The following CSF2RA variants were observed in gnomAD, a reference collection of about 807,000 sequenced individuals.
CSF2RA encodes granulocyte-macrophage colony-stimulating factor receptor subunit alpha.
In CSF2RA, 42 loss-of-function variants were observed where a neutral mutation model predicts 51.6. The observed-to-expected ratio is 0.81, with a 90% CI of 0.64 to 1.05. The LOEUF is 1.05. CSF2RA is among the 50% of genes least tolerant of loss of function. The pLI, the probability that CSF2RA is intolerant of heterozygous loss-of-function variation, is 0.00. For missense variants in CSF2RA, 530 were observed against 501.1 expected, an observed-to-expected ratio of 1.06 and a Z score of -0.55; for synonymous variants, 222 against 193.0, an observed-to-expected ratio of 1.15 and a Z score of -1.24.
intron 3 of CSF2RA, among the ~76,000 whole-genome samples, chrX:1,283,222 GCC>G (rs2090257402): frequency 8.1e-6 from 1 of 123,850 alleles, no homozygotes; most frequent in Non-Finnish European, 1.6e-5. Flanking sequence ...TCTTCCTCCT[GCC>G]CTCCCTCTTT....
chrX:1,303,938 A>T lies in CSF2RA; in HGVS notation c.962A>T (p.Asn321Ile). The T allele has an allele frequency of 6.2e-7, 1 of 1,613,344 alleles. No homozygotes were observed. The highest frequency in any genetic ancestry group is 1.1e-5 in the South Asian group (1 of 91,028). The change falls in exon 11 of 13, where the codon AAC becomes ATC. Residue 321 changes from asparagine to isoleucine, a missense_variant. Transcript: ENST00000381529. ...GTCTCTCCAGGTTCTGACGACGGGA[A>T]CCTCGGCTCTGTGTACATTTATGTG... ...EAIEFGSDDG[N>I]LGSVYIYVLL...
intron 2 of CSF2RA, among the ~76,000 whole-genome samples, chrX:1,279,303 T>C (rs1490443210): frequency 7.9e-5 from 12 of 152,086 alleles, no homozygotes; most frequent in Admixed American, 7.2e-4. Flanking sequence ...TGAGCCGAGA[T>C]GGCACCACTG....
chrX:1,279,636 G>A (rs1201780519), intron 2 of CSF2RA, among the ~76,000 whole-genome samples: 4 of 151,936 alleles, frequency 2.6e-5, no homozygotes, highest in African/African-American at 4.8e-5. Flanking sequence ...TGGGGGAAGC[G>A]GCCACATCCC....
chrX:1,283,062 G>A (rs1448834953), intron 3 of CSF2RA, among the ~76,000 whole-genome samples: 1 of 152,068 alleles, frequency 6.6e-6, no homozygotes, highest in Non-Finnish European at 1.5e-5. Flanking sequence ...GGGCCAGGAT[G>A]AGGACCCATG....
chrX:1,300,014 G>A (rs1353465887), intron 9 of CSF2RA, among the ~76,000 whole-genome samples: 4 of 150,870 alleles, frequency 2.7e-5, no homozygotes, highest in African/African-American at 4.9e-5. Flanking sequence ...TGAGGAGATC[G>A]AGACCATCCT....
chrX:1,314,564 T>C (rs756093444), downstream of CSF2RA, among the ~76,000 whole-genome samples: 3,905 of 7,958 alleles, frequency 0.49, 927 homozygotes, highest in Middle Eastern at 0.67. Context: ...ACCTGCCCAA[T>C]CCCACTGCAC....
intron 12 of CSF2RA, chrX:1,305,820 C>G: frequency 6.5e-7 from 1 of 1,538,768 alleles, no homozygotes; most frequent in Non-Finnish European, 8.8e-7. Context: ...GTGGCTCATG[C>G]CTGTCATCCC....
At chrX:1,280,667 T>TTCCTCCTCC (rs1202323924) in intron 2 of CSF2RA, among the ~76,000 whole-genome samples, 1 of 138,880 alleles carries the variant, frequency 7.2e-6, no homozygotes, top group Admixed American at 7.3e-5. Flanking sequence ...CTTCCTCCTC[T>TTCCTCCTCC]TCCTCCTCCT....
intron 4 of CSF2RA, among the ~76,000 whole-genome samples, chrX:1,286,455 G>T (rs1219600870): frequency 1.6e-5 from 2 of 128,354 alleles, no homozygotes; most frequent in African/African-American, 5.6e-5. Flanking sequence ...TGTAATCCCA[G>T]CTACTCGGGA....
At chrX:1,297,795 G>C (rs1380932900) in intron 9 of CSF2RA, among the ~76,000 whole-genome samples, 1 of 122,460 alleles carries the variant, frequency 8.2e-6, no homozygotes, top group African/African-American at 3.1e-5. Flanking sequence ...GAACCCTACA[G>C]TCCCCTACCC....
At chrX:1,301,968 G>T (rs1393194796) in intron 10 of CSF2RA, among the ~76,000 whole-genome samples, 1 of 142,948 alleles carries the variant, frequency 7.0e-6, no homozygotes, top group African/African-American at 2.6e-5. Context: ...CCAGGCTGGA[G>T]TGCAGTGGTG....
chrX:1,300,835 A>G (rs2092317993), intron 10 of CSF2RA, among the ~76,000 whole-genome samples: 1 of 151,988 alleles, frequency 6.6e-6, no homozygotes, highest in Admixed American at 6.6e-5. Flanking sequence ...ATGTTTTTTC[A>G]GGACGGATGA....
In CSF2RA at chrX:1,281,108, T is replaced by TGCTCC. The variant is rs1415788656; in HGVS notation, c.-26-1570_-26-1569insGCTCC. Among the ~76,000 whole-genome samples the TGCTCC allele has an allele frequency of 8.9e-3, 669 of 75,552 alleles. 94 individuals are homozygous for TGCTCC. The highest frequency in any genetic ancestry group is 0.04 in the African/African-American group (618 of 15,346). The allele number at this position is 75,552 out of a possible 152,430, so 49.6% of individuals were successfully genotyped here. ...TCTCCTCCTGCTCCCCTTCTCCTCC[T>TGCTCC]CCTTCTCCTCCTCCTCCTCCTCCTG... On this transcript the variant is annotated intron_variant, in intron 2 of 12. Transcript: ENST00000381529.
intron 4 of CSF2RA, among the ~76,000 whole-genome samples, chrX:1,286,133 G>T (rs185914855): frequency 1.3e-5 from 2 of 151,468 alleles, no homozygotes; most frequent in Admixed American, 6.6e-5. Flanking sequence ...TTAGCCGGGC[G>T]TGCTGGTGCA....
At chrX:1,313,193 G>C (rs750341964), downstream of CSF2RA, among the ~76,000 whole-genome samples, 210 of 152,256 alleles carry the variant, frequency 1.4e-3, 3 homozygotes, top group East Asian at 8.9e-3. Context: ...CCAGGCCAAG[G>C]CAGGTGGATC....
chrX:1,280,435 C>T lies in CSF2RA; in HGVS notation c.-26-2243C>T, dbSNP rs779922817. On this transcript the variant is annotated intron_variant, in intron 2 of 12. Coordinates refer to ENST00000381529, the MANE Select transcript of CSF2RA (RefSeq NM_172245.4). ...GCAGTGAGCCAAGATTGCACCACTG[C>T]ACTCCAGCCTGGGTGACAAGAGTGA... Among the ~76,000 whole-genome samples the T allele has an allele frequency of 6.8e-5, 10 of 146,062 alleles. 1 individual carries two copies. Among genetic ancestry groups the T allele is most frequent in the South Asian group, 4.3e-4 (2 of 4,626 alleles).
rs370551169 is a variant in CSF2RA at position 1,283,543 on chromosome X, C to CTTCT, written c.76+784_76+787dup. On this transcript the variant is annotated intron_variant, in intron 3 of 12. Coordinates refer to ENST00000381529, the MANE Select transcript of CSF2RA (RefSeq NM_172245.4). ...CTTCTTTGTTTCTTTCTTCCTCTTT[C>CTTCT]TTCTTTCTTTCTTTCTTTCTTTCCT... 1.1e-3 allele frequency among the ~76,000 whole-genome samples: 130 copies of CTTCT among 113,580 alleles called. No homozygotes were observed. The East Asian group carries it at 0.02, about 17-fold the overall frequency. The allele number at this position is 113,580 out of a possible 152,430, so 74.5% of individuals were successfully genotyped here.
Position 1,270,269 on chromosome X carries a change from T to G in CSF2RA, c.-91+1390T>G, listed in dbSNP as rs2088202905. 2.6e-5 allele frequency among the ~76,000 whole-genome samples: 4 copies of G among 152,088 alleles called. No individual in the cohort carries two copies. In the South Asian group the frequency reaches 8.3e-4, roughly 32 times the overall value. Reference sequence around the variant, plus strand: ...TTATTATTATTATTTTGAGATCATCTGGCTGTGTCATCCAGGCTGGAGGGC... The same window carrying G: ...TTATTATTATTATTTTGAGATCATCGGGCTGTGTCATCCAGGCTGGAGGGC... On this transcript the variant is annotated intron_variant, in intron 1 of 12. Coordinates refer to ENST00000381529, the MANE Select transcript of CSF2RA (RefSeq NM_172245.4).
chrX:1,318,162 T>TC, the CSF2RA span, among the ~76,000 whole-genome samples: 1 of 148,736 alleles, frequency 6.7e-6, no homozygotes, highest in African/African-American at 2.5e-5. Flanking sequence ...CTAATTTTTT[T>TC]TTTTTAACTT....
Sources: allele counts gnomAD v4.1 joint callset (sites outside exome capture counted in the v4.1 genomes callset), GRCh38; gene constraint gnomAD v4.1.1; transcripts MANE v1.5; gene names NCBI Gene and HGNC (gene_info 2026-07-23, HGNC 2026-07-21).